EIF4EBP2: variants seen among roughly 807,000 people sequenced by gnomAD.
EIF4EBP2 encodes eukaryotic translation initiation factor 4E binding protein 2.
Under a neutral mutation model 10.3 loss-of-function variants are expected in EIF4EBP2, and 5 were observed. The ratio of observed to expected loss-of-function variants is 0.48; its 90% CI spans 0.25 to 1.02. EIF4EBP2 has a LOEUF of 1.02. EIF4EBP2 is among the 50% of genes least tolerant of loss of function. EIF4EBP2 has a pLI of 0.15. For missense variants in EIF4EBP2, 188 were observed against 162.2 expected (o/e 1.16, Z -0.86); for synonymous variants, 67 against 61.1 (o/e 1.10, Z -0.45).
At position 70,416,290 on chromosome 10, in the gene EIF4EBP2, G is replaced by A. The variant is rs565989688; in HGVS notation, c.146-3624G>A. ...AATAGTACAACCACTTTGAAAAACA[G>A]GCAGTTCTGGCCGGGCGCGGTGGCT... On this transcript the variant is annotated intron_variant, in intron 1 of 2. Transcript: ENST00000373218. Among the ~76,000 whole-genome samples, 7 of 152,262 alleles carry A rather than the reference G, an allele frequency of 4.6e-5. No homozygotes were observed. The East Asian group carries it at 1.4e-3, about 29-fold the overall frequency.
At chr10:70,406,042 C>T (rs1411158638) in intron 1 of EIF4EBP2, among the ~76,000 whole-genome samples, 2 of 152,162 alleles carry the variant, frequency 1.3e-5, no homozygotes, top group African/African-American at 4.8e-5. Context: ...AGTACAGTGG[C>T]ACGACCTCGG....
rs768434086 is a variant in EIF4EBP2 at position 70,427,759 on chromosome 10, C to G, written c.*6012C>G. 1 of 152,106 alleles carries G rather than the reference C, an allele frequency of 6.6e-6. No individual in the cohort carries two copies. Among genetic ancestry groups the G allele is most frequent in the South Asian group, 2.1e-4 (1 of 4,826 alleles). 9.4% of individuals were successfully genotyped at this position (152,106 alleles called of 1,614,324 possible). On this transcript the variant is annotated 3_prime_UTR_variant, in exon 3 of 3. Transcript: ENST00000373218. ...ACACATTTCCAAGGGTATTTAAACT[C>G]TCACTCTGCCACCTTTCTAAGGGTG...
chr10:70,411,173 G>A (rs965196082), intron 1 of EIF4EBP2, among the ~76,000 whole-genome samples: 3 of 152,158 alleles, frequency 2.0e-5, no homozygotes, highest in East Asian at 3.9e-4. Context: ...TCTTCAGAAC[G>A]TTTTTCATCT....
intron 1 of EIF4EBP2, among the ~76,000 whole-genome samples, chr10:70,414,986 G>A (rs999557378): frequency 4.6e-5 from 7 of 151,666 alleles, no homozygotes; most frequent in African/African-American, 4.8e-5. Flanking sequence ...GTGAAACCCC[G>A]TCTCTACAAA....
chr10:70,418,323 G>A (rs922004617), intron 1 of EIF4EBP2, among the ~76,000 whole-genome samples: 1 of 152,228 alleles, frequency 6.6e-6, no homozygotes, highest in African/African-American at 2.4e-5. Context: ...AATTTCTGTT[G>A]TTTAAGTTGT....
intron 1 of EIF4EBP2, among the ~76,000 whole-genome samples, chr10:70,407,665 G>A (rs1160113586): frequency 1.3e-5 from 2 of 151,372 alleles, no homozygotes; most frequent in African/African-American, 4.9e-5. Context: ...CGGGCAGAGG[G>A]GCTCCTCACT....
rs576236844 is a variant in EIF4EBP2 at position 70,418,133 on chromosome 10, C to A, written c.146-1781C>A. On this transcript the variant is annotated intron_variant, in intron 1 of 2. Transcript: ENST00000373218. ...CTGAGTTGAGGTCATAAAGGTGGGA[C>A]CCTCATGATGGGATTTGTGCCCTTA... 3.2e-4 allele frequency among the ~76,000 whole-genome samples: 49 copies of A among 152,202 alleles called. No individual in the cohort carries two copies. In the South Asian group the frequency reaches 6.0e-3, roughly 19 times the overall value.
intron 1 of EIF4EBP2, among the ~76,000 whole-genome samples, chr10:70,407,648 T>C (rs1281671625): frequency 6.7e-6 from 1 of 149,356 alleles, no homozygotes; most frequent in Non-Finnish European, 1.5e-5. Flanking sequence ...CCAGATGGGG[T>C]GGTGGCCGGG....
intron 1 of EIF4EBP2, among the ~76,000 whole-genome samples, chr10:70,414,770 A>T (rs536423485): frequency 6.6e-5 from 10 of 152,220 alleles, no homozygotes; most frequent in Admixed American, 2.6e-4. Flanking sequence ...TGGGAGGCTG[A>T]GGCAGAAGAA....
chr10:70,405,405 A>G (rs1844955755), intron 1 of EIF4EBP2, among the ~76,000 whole-genome samples: 2 of 152,152 alleles, frequency 1.3e-5, no homozygotes, highest in African/African-American at 2.4e-5. Flanking sequence ...AATAAGTAAT[A>G]CTGGGGTAGA....
chr10:70,416,979 G>T (rs1160200262), intron 1 of EIF4EBP2, among the ~76,000 whole-genome samples: 1 of 151,874 alleles, frequency 6.6e-6, no homozygotes, highest in Non-Finnish European at 1.5e-5. Flanking sequence ...TTTTTAGTTT[G>T]GTATATACCC....
intron 2 of EIF4EBP2, among the ~76,000 whole-genome samples, chr10:70,420,385 G>A (rs1359709567): frequency 1.3e-5 from 2 of 151,994 alleles, no homozygotes; most frequent in Non-Finnish European, 2.9e-5. Context: ...TTTTTTAGTA[G>A]AGACGGGGTT....
At position 70,404,405 on chromosome 10, in the gene EIF4EBP2, T is replaced by C. The variant is rs766880393; in HGVS notation, c.4T>C (p.Ser2Pro). The C allele has an allele frequency of 1.9e-6, 3 of 1,582,050 alleles. No homozygotes were observed. Among genetic ancestry groups the C allele is most frequent in the East Asian group, 2.4e-5 (1 of 41,796 alleles). ...CCGAGAGCCCGCGCCCACAGCCATG[T>C]CCTCGTCAGCCGGCAGCGGCCACCA... Reference protein sequence around the residue: MSSSAGSGHQPS... With the variant: MPSSAGSGHQPS... The change falls in exon 1 of 3, where the codon TCC becomes CCC. Residue 2 changes from serine to proline, a missense_variant. By Grantham distance (74) the Ser-to-Pro change is moderately conservative. Transcript: ENST00000373218.
At chr10:70,408,139 G>A (rs1424858952) in intron 1 of EIF4EBP2, among the ~76,000 whole-genome samples, 4 of 59,766 alleles carry the variant, frequency 6.7e-5, no homozygotes, top group African/African-American at 2.6e-4. Flanking sequence ...CGGACGGGGC[G>A]GCTGGCCAGG....
At chr10:70,413,962 A>G (rs1367346117) in intron 1 of EIF4EBP2, among the ~76,000 whole-genome samples, 1 of 152,198 alleles carries the variant, frequency 6.6e-6, no homozygotes, top group Non-Finnish European at 1.5e-5. Context: ...TTATGGCTGC[A>G]TTGGTTGACA....
chr10:70,407,136 TG>T (rs1844974507), intron 1 of EIF4EBP2, among the ~76,000 whole-genome samples: 2 of 150,096 alleles, frequency 1.3e-5, no homozygotes, highest in South Asian at 4.2e-4. Context: ...TTGTTGTTGT[TG>T]ATCATTCTTG....
At chr10:70,413,191 C>T (rs1176497561) in intron 1 of EIF4EBP2, among the ~76,000 whole-genome samples, 2 of 152,106 alleles carry the variant, frequency 1.3e-5, no homozygotes, top group Non-Finnish European at 2.9e-5. Flanking sequence ...TCATTTTTGG[C>T]TCCTCTAGTA....
At chr10:70,419,743 A>G (rs1451930146) in intron 1 of EIF4EBP2, among the ~76,000 whole-genome samples, 171 bp from the exon 2 acceptor site, 1 of 152,182 alleles carries the variant, frequency 6.6e-6, no homozygotes, top group African/African-American at 2.4e-5. Context: ...GGCATTCCAG[A>G]TGGCAGAAGA....
At position 70,425,808 on chromosome 10, in the gene EIF4EBP2, C is replaced by G. The variant is rs1327264480; in HGVS notation, c.*4061C>G. 3.3e-5 allele frequency: 5 copies of G among 152,188 alleles called. No homozygotes were observed. The highest frequency in any genetic ancestry group is 2.0e-4 in the Admixed American group (3 of 15,278). The allele number at this position is 152,188 out of a possible 1,614,324, so 9.4% of individuals were successfully genotyped here. On this transcript the variant is annotated 3_prime_UTR_variant, in exon 3 of 3. Coordinates refer to ENST00000373218, the MANE Select transcript of EIF4EBP2 (RefSeq NM_004096.5). ...GGGATTGTCCAGCAAAGGGAGCAAA[C>G]ATGAATTAGATGTTAAGCTATTGAG...
Sources: gnomAD v4.1 joint callset for allele counts (sites outside exome capture counted in the v4.1 genomes callset) on GRCh38, gnomAD v4.1.1 for gene constraint, MANE v1.5 for transcripts, NCBI Gene and HGNC (gene_info 2026-07-23, HGNC 2026-07-21) for gene names.